Variants in CSGALNACT1 observed in about 807,000 individuals in gnomAD.
CSGALNACT1 encodes beta4GalNAcT-1.
A neutral mutation model predicts 51.0 loss-of-function variants in CSGALNACT1; 52 were observed. The observed-to-expected ratio is 1.02, with a 90% CI of 0.82 to 1.29. The LOEUF is 1.29. CSGALNACT1 is among the 50% of genes most tolerant of loss of function. The probability of loss-of-function intolerance (pLI) is 0.00; values close to 1 mark genes in which losing one functional copy is unlikely to be tolerated. For missense variants in CSGALNACT1, 935 were observed against 679.2 expected (o/e 1.38, Z -4.19); for synonymous variants, 341 against 254.4 (o/e 1.34, Z -3.24).
chr8:19,419,686 C>T (rs747067898), intron 7 of CSGALNACT1, among the ~76,000 whole-genome samples: 6 of 152,178 alleles, frequency 3.9e-5, no homozygotes, highest in African/African-American at 7.2e-5. Context: ...CTCCCCACCT[C>T]GCTTTCTCCT....
chr8:19,485,557 T>TAAG (rs2072671134), intron 4 of CSGALNACT1, among the ~76,000 whole-genome samples: 1 of 152,098 alleles, frequency 6.6e-6, no homozygotes, highest in East Asian at 1.9e-4. Flanking sequence ...CCCTAAGGGC[T>TAAG]AAACAGCAGC....
At chr8:19,669,008 C>G (rs530811975) in intron 1 of CSGALNACT1, among the ~76,000 whole-genome samples, 1 of 152,308 alleles carries the variant, frequency 6.6e-6, no homozygotes, top group Non-Finnish European at 1.5e-5. Context: ...TGCAGAAAAA[C>G]AACTTATTAC....
chr8:19,502,249 T>C (rs1482556579), intron 4 of CSGALNACT1, among the ~76,000 whole-genome samples: 1 of 152,180 alleles, frequency 6.6e-6, no homozygotes, highest in Non-Finnish European at 1.5e-5. Context: ...TTGGCAAAGC[T>C]ATGGAGAAAA....
intron 4 of CSGALNACT1, among the ~76,000 whole-genome samples, chr8:19,476,550 A>AT (rs1192886832): frequency 2.0e-5 from 3 of 151,600 alleles, no homozygotes; most frequent in African/African-American, 4.9e-5. Flanking sequence ...CCTCCCCAAT[A>AT]TTTTTTTTCA....
At chr8:19,450,938 A>G (rs1000423778) in intron 5 of CSGALNACT1, among the ~76,000 whole-genome samples, 1 of 150,714 alleles carries the variant, frequency 6.6e-6, no homozygotes, top group Non-Finnish European at 1.5e-5. Flanking sequence ...AAAAAATAAT[A>G]AAAAAAAAGG....
intron 3 of CSGALNACT1, among the ~76,000 whole-genome samples, chr8:19,546,982 C>G (rs1252059565): frequency 1.3e-5 from 2 of 152,218 alleles, no homozygotes; most frequent in Non-Finnish European, 2.9e-5. Flanking sequence ...TCAGATGCGT[C>G]TTCTCTAGAA....
intron 6 of CSGALNACT1, among the ~76,000 whole-genome samples, chr8:19,433,556 C>A (rs2059950094): frequency 6.6e-6 from 1 of 152,208 alleles, no homozygotes; most frequent in Admixed American, 6.5e-5. Context: ...TTGTTTTAGA[C>A]AAATGCTCTC....
At chr8:19,491,419 G>A (rs868337448) in intron 4 of CSGALNACT1, among the ~76,000 whole-genome samples, 1 of 152,060 alleles carries the variant, frequency 6.6e-6, no homozygotes, top group Non-Finnish European at 1.5e-5. Context: ...TATTTTGAAC[G>A]TTCTTGATAC....
intron 3 of CSGALNACT1, among the ~76,000 whole-genome samples, chr8:19,577,488 G>C (rs922714446): frequency 6.6e-6 from 1 of 151,506 alleles, no homozygotes; most frequent in Non-Finnish European, 1.5e-5. Flanking sequence ...TTGAGCCTAG[G>C]AATTCAAGGT....
intron 4 of CSGALNACT1, among the ~76,000 whole-genome samples, chr8:19,495,474 G>A (rs2075291998): frequency 6.6e-6 from 1 of 152,176 alleles, no homozygotes; most frequent in Non-Finnish European, 1.5e-5. Flanking sequence ...ATGTAACTGT[G>A]AAATCCATCC....
chr8:19,481,614 G>A (rs547696233), intron 4 of CSGALNACT1, among the ~76,000 whole-genome samples: 3 of 152,236 alleles, frequency 2.0e-5, no homozygotes, highest in African/African-American at 4.8e-5. Flanking sequence ...GTCCCAAACT[G>A]GAGATAAGCA....
At chr8:19,524,065 G>C (rs1009517847) in intron 3 of CSGALNACT1, among the ~76,000 whole-genome samples, 4 of 152,186 alleles carry the variant, frequency 2.6e-5, no homozygotes, top group Admixed American at 6.5e-5. Context: ...AAGCTGAGGT[G>C]GGGGGATCAC....
At chr8:19,725,976 G>A (rs59306014) in intron 1 of CSGALNACT1, among the ~76,000 whole-genome samples, 23,670 of 152,120 alleles carry the variant, frequency 0.16, 2,461 homozygotes, top group East Asian at 0.39. Flanking sequence ...AATGTACAAT[G>A]ACATGGAGCC....
intron 1 of CSGALNACT1, among the ~76,000 whole-genome samples, chr8:19,665,008 C>T (rs925482378): frequency 1.3e-5 from 2 of 152,098 alleles, no homozygotes; most frequent in Non-Finnish European, 2.9e-5. Context: ...AACAAAAATG[C>T]ACTTGTACTC....
At chr8:19,571,782 C>A (rs1246621597) in intron 3 of CSGALNACT1, among the ~76,000 whole-genome samples, 1 of 152,200 alleles carries the variant, frequency 6.6e-6, no homozygotes, top group African/African-American at 2.4e-5. Flanking sequence ...AGTCCCTCAG[C>A]AAAATGGGAA....
At chr8:19,404,310 A>G (rs1210934444) in exon 10 of CSGALNACT1, 10 of 453,310 alleles carry the variant, frequency 2.2e-5, no homozygotes, top group Non-Finnish European at 4.0e-5. Flanking sequence ...AAGCTTTTAA[A>G]CAATGAGTTT....
chr8:19,434,547 A>G (rs940480111), intron 6 of CSGALNACT1, among the ~76,000 whole-genome samples: 1 of 152,228 alleles, frequency 6.6e-6, no homozygotes, highest in Non-Finnish European at 1.5e-5. Context: ...TCAGGAAATT[A>G]ACATTTTTAC....
At chr8:19,740,335 G>C (rs564369049) in intron 1 of CSGALNACT1, among the ~76,000 whole-genome samples, 2 of 152,314 alleles carry the variant, frequency 1.3e-5, no homozygotes, top group Admixed American at 6.5e-5. Context: ...AGTCCCAAGG[G>C]ACACAGAGTC....
At chr8:19,506,108 T>C (rs1207285744) in exon 4 of CSGALNACT1, 3 of 635,120 alleles carry the variant, frequency 4.7e-6, no homozygotes, top group Admixed American at 4.2e-5. Context: ...CTTCCTGATG[T>C]GCAGCCAACA....
Sources: allele counts gnomAD v4.1 joint callset (sites outside exome capture counted in the v4.1 genomes callset), GRCh38; gene constraint gnomAD v4.1.1; transcripts MANE v1.5; gene names NCBI Gene and HGNC (gene_info 2026-07-23, HGNC 2026-07-21).